The following EWSR1 variants were observed in gnomAD, a reference collection of about 807,000 sequenced individuals.
The protein encoded by EWSR1 is EWS RNA binding protein 1, also known as RNA-binding protein EWS.
A neutral mutation model predicts 92.1 loss-of-function variants in EWSR1; 14 were observed. The ratio of observed to expected loss-of-function variants is 0.15; its 90% CI spans 0.10 to 0.24. The LOEUF is 0.24. EWSR1 is among the 10% of genes least tolerant of loss of function. EWSR1 has a pLI of 1.00. For synonymous variants in EWSR1, 303 were observed against 292.9 expected (o/e 1.03, Z -0.35); for missense variants, 637 against 870.9 (o/e 0.73, Z 3.38).
At chr22:29,297,267 C>T (rs931506139) in intron 12 of EWSR1, among the ~76,000 whole-genome samples, 4 of 152,238 alleles carry the variant, frequency 2.6e-5, no homozygotes, top group Non-Finnish European at 5.9e-5. Context: ...TCTTGTGCGT[C>T]AGCCACTCGA....
intron 8 of EWSR1, chr22:29,289,936 TA>T (rs1484027767): frequency 1.3e-5 from 3 of 231,174 alleles, no homozygotes; most frequent in Non-Finnish European, 2.6e-5. Flanking sequence ...TACTCTATTA[TA>T]AAGGTTTCAC....
chr22:29,297,975 C>A, intron 13 of EWSR1, 26 bp downstream of exon 13: 1 of 1,599,442 alleles, frequency 6.3e-7, no homozygotes, highest in Non-Finnish European at 8.5e-7. Flanking sequence ...TCCTATGTTG[C>A]ATTAAAAGGT....
chr22:29,280,471 T>C (rs1358130650), intron 5 of EWSR1, among the ~76,000 whole-genome samples: 1 of 152,168 alleles, frequency 6.6e-6, no homozygotes, highest in Non-Finnish European at 1.5e-5. Context: ...TAGAAACCCC[T>C]GGAGTTTTCC....
At chr22:29,297,720 G>A in intron 12 of EWSR1, 107 bp from the exon 13 acceptor site, 3 of 1,433,706 alleles carry the variant, frequency 2.1e-6, no homozygotes, top group South Asian at 1.3e-5. Flanking sequence ...TCTTAGAGAA[G>A]ATTACAGGCA....
intron 8 of EWSR1, chr22:29,290,539 G>A (rs769055540): frequency 6.3e-7 from 1 of 1,577,372 alleles, no homozygotes; most frequent in Non-Finnish European, 8.6e-7. Context: ...AATATACATA[G>A]AATATTTTTA....
chr22:29,285,445 A>G (rs1386119379), intron 6 of EWSR1, among the ~76,000 whole-genome samples: 1 of 151,142 alleles, frequency 6.6e-6, no homozygotes, highest in Non-Finnish European at 1.5e-5. Flanking sequence ...TTCAAGCTTC[A>G]TTTCTGTGCA....
chr22:29,288,909 T>A, intron 8 of EWSR1, 123 bp downstream of exon 8: 6 of 924,148 alleles, frequency 6.5e-6, no homozygotes, highest in Non-Finnish European at 9.3e-6. Flanking sequence ...TCTGTTGAGC[T>A]CAAGCCATCT....
intron 16 of EWSR1, 113 bp from the exon 17 acceptor site, chr22:29,300,002 GCTTCCTC>G: frequency 2.3e-6 from 2 of 871,534 alleles, no homozygotes; most frequent in Non-Finnish European, 1.5e-6. Context: ...CTCTGGAAGG[GCTTCCTC>G]ACCCCTTCCC....
intron 6 of EWSR1, among the ~76,000 whole-genome samples, chr22:29,285,926 C>T (rs984903383): frequency 2.0e-5 from 3 of 152,170 alleles, no homozygotes; most frequent in East Asian, 1.9e-4. Flanking sequence ...CAAGCTCCGC[C>T]TCCTGGGTTC....
At chr22:29,271,445 G>A (rs932761402) in intron 1 of EWSR1, among the ~76,000 whole-genome samples, 2 of 152,130 alleles carry the variant, frequency 1.3e-5, no homozygotes, top group East Asian at 3.9e-4. Flanking sequence ...ACTTAGATAA[G>A]GGATGAAAAT....
chr22:29,281,536 C>T (rs909116980), intron 5 of EWSR1, among the ~76,000 whole-genome samples: 2 of 150,722 alleles, frequency 1.3e-5, no homozygotes, highest in African/African-American at 4.9e-5. Flanking sequence ...AACTCCTGGG[C>T]TCAAACCATC....
chr22:29,290,184 T>A (rs2060344393), intron 8 of EWSR1: 1 of 422,262 alleles, frequency 2.4e-6, no homozygotes, highest in Admixed American at 4.1e-5. Context: ...CCCCATAGGT[T>A]TTTCAACAGA....
At chr22:29,268,855 C>T (rs2058382222) in intron 1 of EWSR1, among the ~76,000 whole-genome samples, 1 of 152,258 alleles carries the variant, frequency 6.6e-6, no homozygotes, top group Non-Finnish European at 1.5e-5. Context: ...GGGTGCCGGC[C>T]TATGAGCGGG....
At chr22:29,291,166 A>G (rs2060414048) in intron 8 of EWSR1, 1 of 251,472 alleles carries the variant, frequency 4.0e-6, no homozygotes, top group East Asian at 5.8e-5. Flanking sequence ...GGAGAGGTTG[A>G]GGGTGCACCT....
chr22:29,299,680 T>C lies in EWSR1; in HGVS notation c.1760T>C (p.Met587Thr). The change falls in exon 16 of 17, where the codon ATG becomes ACG. Residue 587 changes from methionine (M) to threonine (T), a missense_variant. Physicochemically the swap from Met to Thr is moderately conservative, Grantham distance 81. This residue lies in a region of EWSR1 where 363 missense variants were observed against 447.8 expected (regional missense o/e 0.81). Transcript: ENST00000397938. ...GLMDRGGPGG[M>T]FRGGRGGDRG... ...ATGGATCGTGGTGGTCCCGGTGGAATGTTCAGAGGTGGCCGTGGTGGAGAC... is the reference window on the plus strand; with the variant it reads ...ATGGATCGTGGTGGTCCCGGTGGAACGTTCAGAGGTGGCCGTGGTGGAGAC... 2 of 1,611,912 alleles carry C rather than the reference T, an allele frequency of 1.2e-6. No homozygotes were observed. Among genetic ancestry groups the C allele is most frequent in the Non-Finnish European group, 1.7e-6 (2 of 1,178,978 alleles).
intron 13 of EWSR1, 68 bp downstream of exon 13, chr22:29,298,017 GATT>G: frequency 6.8e-7 from 1 of 1,464,514 alleles, no homozygotes; most frequent in East Asian, 2.3e-5. Flanking sequence ...TGAGAAACTT[GATT>G]ATTAGAGTGA....
intron 6 of EWSR1, 119 bp downstream of exon 6, chr22:29,282,676 G>A: frequency 2.6e-6 from 2 of 761,954 alleles, no homozygotes; most frequent in African/African-American, 4.4e-5. Context: ...GCAGTGATAA[G>A]TCATCTGACC....
At chr22:29,293,030 G>A (rs907153946) in intron 11 of EWSR1, among the ~76,000 whole-genome samples, 3 of 152,076 alleles carry the variant, frequency 2.0e-5, no homozygotes, top group Admixed American at 1.3e-4. Context: ...GGGATTACAG[G>A]TGTGATCCCC....
At chr22:29,286,183 C>G (rs1388373743) in intron 6 of EWSR1, among the ~76,000 whole-genome samples, 2 of 151,384 alleles carry the variant, frequency 1.3e-5, no homozygotes, top group East Asian at 3.9e-4. Flanking sequence ...TCACTCTGTT[C>G]CCGAGTCGCC....
Sources: gnomAD v4.1 joint callset for allele counts (sites outside exome capture counted in the v4.1 genomes callset) on GRCh38, gnomAD v4.1.1 for gene constraint, gnomAD v4.1.1 regional missense constraint, MANE v1.5 for transcripts, NCBI Gene and HGNC (gene_info 2026-07-23, HGNC 2026-07-21) for gene names.